Variants in PKD1L1 observed in about 807,000 individuals in gnomAD.
The protein encoded by PKD1L1 is polycystin-1-like protein 1.
Under a neutral mutation model 323.4 loss-of-function variants are expected in PKD1L1, and 236 were observed. That is an observed-to-expected ratio of 0.73 (90% CI 0.66 to 0.81). The LOEUF is 0.81. Among genes scored for constraint, PKD1L1 ranks in the 40% least tolerant of loss-of-function variants. The probability of loss-of-function intolerance (pLI) is 0.00; values close to 1 mark genes in which losing one functional copy is unlikely to be tolerated. For missense variants in PKD1L1, 3,320 were observed against 3,508.0 expected, an observed-to-expected ratio of 0.95 and a Z score of 1.35; for synonymous variants, 1,344 against 1,335.0, an observed-to-expected ratio of 1.01 and a Z score of -0.15.
At chr7:47,824,917 T>C (rs1025884435) in intron 45 of PKD1L1, among the ~76,000 whole-genome samples, 26 of 152,222 alleles carry the variant, frequency 1.7e-4, no homozygotes, top group African/African-American at 6.0e-4. Flanking sequence ...TGTGTGGGTA[T>C]GTTCATGTTT....
chr7:47,825,669 T>C (rs1250157165), intron 45 of PKD1L1, among the ~76,000 whole-genome samples: 2 of 152,190 alleles, frequency 1.3e-5, no homozygotes, highest in Non-Finnish European at 2.9e-5. Context: ...TGTAATCCAA[T>C]TTACTTTTAT....
chr7:47,880,853 G>A, intron 20 of PKD1L1, 48 bp from the exon 21 acceptor site: 2 of 1,466,608 alleles, frequency 1.4e-6, no homozygotes, highest in Non-Finnish European at 1.9e-6. Context: ...GTGGTCTCAA[G>A]GACAGAGGTC....
At position 47,884,588 on chromosome 7, in the gene PKD1L1, GCA is replaced by G; in HGVS notation, c.3265+8_3265+9del. The G allele has an allele frequency of 6.2e-7, 1 of 1,612,702 alleles. No individual in the cohort carries two copies. The highest frequency in any genetic ancestry group is 8.5e-7 in the Non-Finnish European group (1 of 1,178,788). ...GTGGAGAGAGGCAGCAGGCATAGAA[GCA>G]CAGTCACCTGGCTGTCTTCCTCCCG... On this transcript the variant is annotated splice_region_variant and intron_variant, in intron 19 of 56. Transcript: ENST00000289672.
At chr7:47,960,249 C>T in the PKD1L1 span, among the ~76,000 whole-genome samples, 1 of 149,832 alleles carries the variant, frequency 6.7e-6, no homozygotes, top group East Asian at 2.0e-4. Context: ...CCGCAGGGTC[C>T]TCTGCATAGG....
chr7:47,915,285 A>C (rs1283857074), intron 8 of PKD1L1, 147 bp downstream of exon 8: 1 of 552,296 alleles, frequency 1.8e-6, no homozygotes, highest in African/African-American at 2.0e-5. Context: ...AAATTAACCT[A>C]ACAATGCCAC....
chr7:47,861,515 T>C (rs1200449894), intron 26 of PKD1L1, among the ~76,000 whole-genome samples: 1 of 152,170 alleles, frequency 6.6e-6, no homozygotes, highest in African/African-American at 2.4e-5. Flanking sequence ...ACAGGGAAGA[T>C]GCCTACGTTG....
At chr7:47,906,711 A>G (rs1321639617) in intron 9 of PKD1L1, among the ~76,000 whole-genome samples, 1 of 152,198 alleles carries the variant, frequency 6.6e-6, no homozygotes, top group African/African-American at 2.4e-5. Context: ...CTCTTTATAA[A>G]GAGAAAATAC....
chr7:47,906,892 A>G (rs1787217567), intron 9 of PKD1L1, among the ~76,000 whole-genome samples: 4 of 148,124 alleles, frequency 2.7e-5, no homozygotes, highest in African/African-American at 1.1e-4. Context: ...GATAATCAAA[A>G]GTGTTAAAAA....
intron 13 of PKD1L1, among the ~76,000 whole-genome samples, chr7:47,899,273 G>A (rs1280992936): frequency 6.6e-6 from 1 of 152,214 alleles, no homozygotes; most frequent in Non-Finnish European, 1.5e-5. Context: ...GTCTTTTAAA[G>A]TGATGGGTTT....
chr7:47,845,575 G>T (rs1269437260), intron 32 of PKD1L1, among the ~76,000 whole-genome samples: 1 of 152,142 alleles, frequency 6.6e-6, no homozygotes, highest in Non-Finnish European at 1.5e-5. Flanking sequence ...AGGTGTTATT[G>T]ATTTATTTTA....
intron 24 of PKD1L1, among the ~76,000 whole-genome samples, chr7:47,868,115 C>T (rs1265845685): frequency 6.6e-6 from 1 of 152,182 alleles, no homozygotes; most frequent in African/African-American, 2.4e-5. Context: ...TGCCTGTAAT[C>T]CCAGCACTTT....
chr7:47,826,660 A>AT (rs1467706074), intron 45 of PKD1L1, among the ~76,000 whole-genome samples: 1 of 152,130 alleles, frequency 6.6e-6, no homozygotes, highest in East Asian at 1.9e-4. Flanking sequence ...TTGAAGAGGG[A>AT]TTTTAGCTAG....
intron 6 of PKD1L1, among the ~76,000 whole-genome samples, chr7:47,930,272 C>T (rs1787740897): frequency 6.6e-6 from 1 of 151,310 alleles, no homozygotes; most frequent in Non-Finnish European, 1.5e-5. Context: ...TTAAAAAACA[C>T]AGGCAGACAG....
chr7:47,879,841 G>A (rs565988459), intron 21 of PKD1L1, among the ~76,000 whole-genome samples: 3 of 139,112 alleles, frequency 2.2e-5, no homozygotes, highest in Non-Finnish European at 4.6e-5. Flanking sequence ...GCTGAGGCAG[G>A]AGAATGGCGT....
chr7:47,869,781 A>G (rs1407854695), intron 24 of PKD1L1, among the ~76,000 whole-genome samples: 1 of 152,170 alleles, frequency 6.6e-6, no homozygotes, highest in Non-Finnish European at 1.5e-5. Context: ...AAAATCAGAT[A>G]CATATTCTTT....
Position 47,931,280 on chromosome 7 carries a change from C to T in PKD1L1, c.561G>A (p.Lys187=), listed in dbSNP as rs767798565. The T allele has an allele frequency of 4.3e-6, 7 of 1,614,256 alleles. No individual in the cohort carries two copies. The South Asian group carries it at 5.5e-5, about 13-fold the overall frequency. ...TTSAAAPCSL[K]MEASCCVLRL... is the part of the protein sequence containing the mutation. ...TCAGGACACAGCAGGAAGCCTCCAT[C>T]TTCAGGCTGCAGGGAGCTGCTGCAG... Residue 187 remains lysine, a synonymous_variant, in exon 6 of 57, where the codon AAG becomes AAA. Coordinates refer to ENST00000289672, the MANE Select transcript of PKD1L1 (RefSeq NM_138295.5).
At chr7:47,866,871 G>A (rs1265895186) in intron 24 of PKD1L1, among the ~76,000 whole-genome samples, 1 of 152,120 alleles carries the variant, frequency 6.6e-6, no homozygotes, top group Non-Finnish European at 1.5e-5. Context: ...TAATATAGAA[G>A]CATCATGGCA....
Position 47,813,613 on chromosome 7 carries a change from A to C in PKD1L1, c.7173+318T>G, listed in dbSNP as rs575655357. The stretch of plus-strand genomic sequence containing the variant: ...GGCATACCCTCCCCATTAGAAAAAG[A>C]TATGTGAATATTCTATTTTTAGATT... On this transcript the variant is annotated intron_variant, in intron 48 of 56. Coordinates refer to ENST00000289672, the MANE Select transcript of PKD1L1 (RefSeq NM_138295.5). The C allele has an allele frequency of 4.5e-6, 3 of 664,074 alleles. No individual in the cohort carries two copies. In the East Asian group the frequency reaches 9.0e-5, roughly 20 times the overall value. The allele number at this position is 664,074 out of a possible 1,614,324, so 41.1% of individuals were successfully genotyped here.
At position 47,936,690 on chromosome 7, in the gene PKD1L1, A is replaced by G. The variant is rs2708878; in HGVS notation, c.398+156T>C. Among the ~76,000 whole-genome samples the G allele has an allele frequency of 0.53, 80,876 of 151,996 alleles. 21,632 individuals are homozygous for G. The highest frequency in any genetic ancestry group is 0.57 in the African/African-American group (23,726 of 41,460). ...TCCTGCAAATTAACTTCAGAACACC[A>G]TTCTTTTTTCCATCAATTTAAGAGC... On this transcript the variant is annotated intron_variant, in intron 4 of 56. Transcript: ENST00000289672.
Sources: gnomAD v4.1 joint callset for allele counts (sites outside exome capture counted in the v4.1 genomes callset) on GRCh38, gnomAD v4.1.1 for gene constraint, MANE v1.5 for transcripts, NCBI Gene and HGNC (gene_info 2026-07-23, HGNC 2026-07-21) for gene names.